The following PRKG1 variants were observed in gnomAD, a reference collection of about 807,000 sequenced individuals.
The protein encoded by PRKG1 is cGMP-dependent protein kinase 1.
PRKG1 carries 35 observed loss-of-function variants against 88.1 expected under a neutral mutation model. That is an observed-to-expected ratio of 0.40 (90% CI 0.30 to 0.53). PRKG1 has a LOEUF of 0.53. PRKG1 is among the 20% of genes least tolerant of loss of function. The pLI is 0.59. For missense variants in PRKG1, 540 were observed against 839.8 expected, an observed-to-expected ratio of 0.64 and a Z score of 4.41; for synonymous variants, 303 against 292.5, an observed-to-expected ratio of 1.04 and a Z score of -0.37.
intron 3 of PRKG1, among the ~76,000 whole-genome samples, chr10:51,553,610 C>G (rs1837196231): frequency 6.6e-6 from 1 of 151,464 alleles, no homozygotes; most frequent in Non-Finnish European, 1.5e-5. Context: ...GAATTGAAAT[C>G]TAACCATGTC....
At chr10:51,203,973 A>G (rs1453788087) in intron 2 of PRKG1, among the ~76,000 whole-genome samples, 1 of 152,214 alleles carries the variant, frequency 6.6e-6, no homozygotes, top group African/African-American at 2.4e-5. Context: ...TGTATACTTC[A>G]TTCTCCTTTG....
intron 2 of PRKG1, among the ~76,000 whole-genome samples, chr10:51,368,501 A>C (rs747337822): frequency 5.3e-5 from 8 of 152,086 alleles, no homozygotes; most frequent in Non-Finnish European, 1.2e-4. Flanking sequence ...TCTAGCATCT[A>C]TACCTTTCAG....
At chr10:51,864,130 T>C (rs1437033248) in intron 4 of PRKG1, among the ~76,000 whole-genome samples, 1 of 152,216 alleles carries the variant, frequency 6.6e-6, no homozygotes, top group Non-Finnish European at 1.5e-5. Flanking sequence ...GGAAATGTCT[T>C]CTGCAAACAA....
chr10:51,720,484 C>T (rs1211417340), intron 3 of PRKG1, among the ~76,000 whole-genome samples: 1 of 152,234 alleles, frequency 6.6e-6, no homozygotes, highest in Admixed American at 6.5e-5. Flanking sequence ...GTTTTACCGT[C>T]ATCACCACAG....
chr10:52,155,267 C>T (rs2132675192), intron 8 of PRKG1, among the ~76,000 whole-genome samples: 1 of 152,106 alleles, frequency 6.6e-6, no homozygotes, highest in South Asian at 2.1e-4. Context: ...TTTACCTTCC[C>T]ACTAGGAATG....
chr10:51,062,942 A>G (rs1026523040), intron 1 of PRKG1: 5 of 152,164 alleles, frequency 3.3e-5, no homozygotes, highest in African/African-American at 1.2e-4. Flanking sequence ...TATTGAAACA[A>G]TAAAGATAGG....
intron 2 of PRKG1, among the ~76,000 whole-genome samples, chr10:51,354,584 A>G (rs1160045672): frequency 6.6e-6 from 1 of 152,178 alleles, no homozygotes; most frequent in Non-Finnish European, 1.5e-5. Flanking sequence ...AAATGTAAAA[A>G]TCAACTACAC....
chr10:52,218,177 C>T (rs948845122), intron 9 of PRKG1, among the ~76,000 whole-genome samples: 6 of 146,492 alleles, frequency 4.1e-5, no homozygotes, highest in South Asian at 2.1e-4. Context: ...ACCCACTGCA[C>T]GCTAGCCTGG....
Position 51,542,673 on chromosome 10 carries a change from A to AG in PRKG1, c.592+74837_592+74838insG, listed in dbSNP as rs1842336922. 7.1e-4 allele frequency among the ~76,000 whole-genome samples: 36 copies of AG among 50,986 alleles called. No individual in the cohort carries two copies. In the Admixed American group the frequency reaches 8.1e-3, roughly 11 times the overall value. The allele number at this position is 50,986 out of a possible 152,430, so 33.4% of individuals were successfully genotyped here. A position where few individuals can be genotyped will look rare whatever the true frequency, so the allele number is the denominator to read the frequency against. ...TGTTTCCGGGCTTGTGTTTCGCATG[A>AG]TAGTCTGCAAACTATTATTGAAGCA... On this transcript the variant is annotated intron_variant, in intron 3 of 17. Coordinates refer to ENST00000373980, the MANE Select transcript of PRKG1 (RefSeq NM_006258.4).
chr10:52,109,037 A>T (rs1184181188), intron 7 of PRKG1, among the ~76,000 whole-genome samples: 1 of 152,000 alleles, frequency 6.6e-6, no homozygotes, highest in Non-Finnish European at 1.5e-5. Flanking sequence ...CATATTGGCC[A>T]GGCTGGTCTT....
chr10:51,698,610 T>C lies in PRKG1; in HGVS notation c.593-105975T>C, dbSNP rs931222996. ...CCAGGAGTCACGGGTCCGCGAGGTATAGGAGCTCTAGGATCTGACATCTGC... is the reference window on the plus strand; with the variant it reads ...CCAGGAGTCACGGGTCCGCGAGGTACAGGAGCTCTAGGATCTGACATCTGC... On this transcript the variant is annotated intron_variant, in intron 3 of 17. Coordinates refer to ENST00000373980, the MANE Select transcript of PRKG1 (RefSeq NM_006258.4). The C allele has an allele frequency of 4.8e-5, 77 of 1,613,792 alleles. No individual in the cohort carries two copies. The highest frequency in any genetic ancestry group is 1.7e-4 in the Admixed American group (10 of 59,996).
At chr10:51,666,677 G>A (rs917728149) in intron 3 of PRKG1, among the ~76,000 whole-genome samples, 1 of 152,192 alleles carries the variant, frequency 6.6e-6, no homozygotes, top group African/African-American at 2.4e-5. Context: ...GGTAGATGCA[G>A]CTGTTGCTTA....
intron 3 of PRKG1, among the ~76,000 whole-genome samples, chr10:51,641,247 A>C (rs1216359978): frequency 5.3e-5 from 8 of 152,150 alleles, no homozygotes; most frequent in Non-Finnish European, 1.0e-4. Context: ...TGCCGCTCTC[A>C]AGAGTTCATG....
At chr10:51,111,889 A>G (rs1336344080) in intron 1 of PRKG1, among the ~76,000 whole-genome samples, 2 of 152,144 alleles carry the variant, frequency 1.3e-5, no homozygotes, top group Non-Finnish European at 2.9e-5. Context: ...GATCTTTCTT[A>G]TAAAGCCACA....
chr10:51,909,740 GC>G (rs1375278869), intron 5 of PRKG1: 5 of 151,926 alleles, frequency 3.3e-5, no homozygotes, highest in Non-Finnish European at 7.3e-5. Flanking sequence ...AAAATCAGGA[GC>G]TTTTTGCTTG....
intron 3 of PRKG1, among the ~76,000 whole-genome samples, chr10:51,603,019 G>A (rs1024843101): frequency 5.9e-5 from 9 of 151,840 alleles, no homozygotes; most frequent in East Asian, 1.9e-4. Context: ...GTACAGTGGC[G>A]CAATCTGGGC....
chr10:51,213,170 A>G (rs1838276731), intron 2 of PRKG1, among the ~76,000 whole-genome samples: 1 of 152,226 alleles, frequency 6.6e-6, no homozygotes, highest in South Asian at 2.1e-4. Context: ...TTGTAGGGAC[A>G]TGGATGAAGC....
intron 5 of PRKG1, among the ~76,000 whole-genome samples, chr10:52,013,880 C>A (rs1385820166): frequency 1.3e-5 from 2 of 152,192 alleles, no homozygotes; most frequent in Non-Finnish European, 2.9e-5. Flanking sequence ...CTGTGGGTAT[C>A]ATGCAAGGCT....
chr10:52,158,050 A>G (rs904972169), intron 8 of PRKG1, among the ~76,000 whole-genome samples: 4 of 151,710 alleles, frequency 2.6e-5, no homozygotes, highest in Non-Finnish European at 4.4e-5. Context: ...GAGATGCCCT[A>G]AACTAAAGCC....
Sources: allele counts gnomAD v4.1 joint callset (sites outside exome capture counted in the v4.1 genomes callset), GRCh38; gene constraint gnomAD v4.1.1; transcripts MANE v1.5; gene names NCBI Gene and HGNC (gene_info 2026-07-23, HGNC 2026-07-21).